Variants in STX16 observed in about 807,000 individuals in gnomAD.
The protein encoded by STX16 is syntaxin-16.
In STX16, 28 loss-of-function variants were observed where a neutral mutation model predicts 42.7. The observed-to-expected ratio is 0.66, with a 90% CI of 0.49 to 0.90. The LOEUF is 0.90. Among genes scored for constraint, STX16 ranks in the 40% least tolerant of loss-of-function variants. The pLI is 0.00. For missense variants in STX16, 361 were observed against 420.9 expected (o/e 0.86, Z 1.24); for synonymous variants, 156 against 155.2 (o/e 1.00, Z -0.04).
Position 58,671,440 on chromosome 20 carries a change from GT to G in STX16, c.792+144del, listed in dbSNP as rs2083971074. 2.4e-4 allele frequency: 86 copies of G among 357,978 alleles called. No individual in the cohort carries two copies. The South Asian group carries it at 2.6e-3, about 11-fold the overall frequency. The allele number at this position is 357,978 out of a possible 1,614,324, so 22.2% of individuals were successfully genotyped here. ...ACCTGTCCTTTATGTGTGTGTGGGT[GT>G]GTGTGTGTGTGTGTGTGTGTGTGTG... On this transcript the variant is annotated intron_variant, in intron 7 of 8. Transcript: ENST00000371141.
chr20:58,652,889 C>A (rs7274026), intron 1 of STX16, among the ~76,000 whole-genome samples: 79 of 151,930 alleles, frequency 5.2e-4, no homozygotes, highest in African/African-American at 1.8e-3. Context: ...TAACCACAAC[C>A]TTTAGTTAGC....
At chr20:58,667,431 G>T in intron 2 of STX16, 59 bp from the exon 3 acceptor site, 1 of 1,318,236 alleles carries the variant, frequency 7.6e-7, no homozygotes, top group Non-Finnish European at 1.1e-6. Flanking sequence ...GAGAGTAAGA[G>T]TATTTGTATC....
intron 6 of STX16, 75 bp downstream of exon 6, chr20:58,670,678 ATCT>A: frequency 1.6e-6 from 2 of 1,233,182 alleles, no homozygotes; most frequent in Non-Finnish European, 2.4e-6. Context: ...CTAGACCTCG[ATCT>A]TCTGTGCAGT....
chr20:58,667,125 G>A (rs940028778), intron 2 of STX16: 21 of 327,040 alleles, frequency 6.4e-5, no homozygotes, highest in South Asian at 5.0e-4. Flanking sequence ...GGTTCATGCC[G>A]TTCTATCACA....
chr20:58,673,709 A>G lies in STX16; in HGVS notation c.871A>G (p.Lys291Glu), dbSNP rs2084037590. ...KTEDGLKQLHKAEQYQKKNRK... is the reference protein window; with the variant it reads ...KTEDGLKQLHEAEQYQKKNRK... ...TGAAGATGGTTTGAAACAGCTTCAC[A>G]AGGTAATATGTCTTTCAAGACTTGG... is the stretch of plus-strand genomic sequence containing the variant. The change falls in exon 8 of 9, where the codon AAG becomes GAG. Residue 291 changes from lysine to glutamate, a missense_variant and splice_region_variant. Coordinates refer to ENST00000371141, the MANE Select transcript of STX16 (RefSeq NM_001001433.3). 6.2e-7 allele frequency: 1 copy of G among 1,606,040 alleles called. No homozygotes were observed. Among genetic ancestry groups the G allele is most frequent in the East Asian group, 2.2e-5 (1 of 44,836 alleles).
intron 7 of STX16, among the ~76,000 whole-genome samples, chr20:58,672,296 C>T (rs1257480055): frequency 6.6e-6 from 1 of 152,102 alleles, no homozygotes; most frequent in Non-Finnish European, 1.5e-5. Context: ...TGCACCATTG[C>T]ACTCCAGCCT....
chr20:58,653,263 T>C (rs1383041906), intron 1 of STX16, among the ~76,000 whole-genome samples: 1 of 152,244 alleles, frequency 6.6e-6, no homozygotes, highest in African/African-American at 2.4e-5. Flanking sequence ...AGTTTATTTT[T>C]TTCTTTATGG....
In STX16 at chr20:58,669,145, A is replaced by G. The variant is rs1886843; in HGVS notation, c.394-146A>G. The G allele has an allele frequency of 0.69, 544,927 of 788,108 alleles. 191,319 individuals are homozygous for G. Among genetic ancestry groups the G allele is most frequent in the African/African-American group, 0.91 (51,126 of 56,488 alleles). The allele number at this position is 788,108 out of a possible 1,614,324, so 48.8% of individuals were successfully genotyped here. A position where few individuals can be genotyped will look rare whatever the true frequency, so the allele number is the denominator to read the frequency against. On this transcript the variant is annotated intron_variant, in intron 4 of 8. Transcript: ENST00000371141. ...TCTTTCTGTGTATATAAATGAAGCC[A>G]CAGATTCCTTTTATCTGTTCACCTT...
chr20:58,652,205 CTCTG>C lies in STX16; in HGVS notation c.132+75_132+78del, dbSNP rs1044950435. The C allele has an allele frequency of 6.2e-5, 98 of 1,589,648 alleles. 1 individual carries two copies. The highest frequency in any genetic ancestry group is 4.8e-4 in the South Asian group (43 of 90,372). ...ACTGCGGCTCTGCCTGTTTGTCTGT[CTCTG>C]TCTGTCTCTCTGTTTAAAAAGAGAA... is the stretch of plus-strand genomic sequence containing the variant. On this transcript the variant is annotated intron_variant, in intron 1 of 8. Coordinates refer to ENST00000371141, the MANE Select transcript of STX16 (RefSeq NM_001001433.3).
In STX16 at chr20:58,672,746, C is replaced by T. The variant is rs138369199; in HGVS notation, c.793-885C>T. ...TGACCGAGCTCAGCAATGATTCTGACGCTATAGAAGATTTCCCTTCTAATT... is the reference window on the plus strand; with the variant it reads ...TGACCGAGCTCAGCAATGATTCTGATGCTATAGAAGATTTCCCTTCTAATT... On this transcript the variant is annotated intron_variant, in intron 7 of 8. Coordinates refer to ENST00000371141, the MANE Select transcript of STX16 (RefSeq NM_001001433.3). 3.8e-3 allele frequency among the ~76,000 whole-genome samples: 581 copies of T among 152,302 alleles called. 4 individuals are homozygous for T. Among genetic ancestry groups the T allele is most frequent in the African/African-American group, 0.013 (556 of 41,552 alleles).
chr20:58,657,834 C>T lies in STX16; in HGVS notation c.133-1789C>T, dbSNP rs1299025022. Among the ~76,000 whole-genome samples the T allele has an allele frequency of 6.6e-6, 1 of 151,998 alleles. No individual in the cohort carries two copies. The highest frequency in any genetic ancestry group is 6.6e-5 in the Admixed American group (1 of 15,262). Reference sequence around the variant, plus strand: ...GAAAAGGTGACCTTAATTTAATATTCCTGATGTGGTGGTAGCTGCCTATCA... The same window carrying T: ...GAAAAGGTGACCTTAATTTAATATTTCTGATGTGGTGGTAGCTGCCTATCA... On this transcript the variant is annotated intron_variant, in intron 1 of 8. Transcript: ENST00000371141. The surrounding 1 kb of genome is among the most constrained non-coding windows in gnomAD (Gnocchi z 4.2).
At chr20:58,668,684 C>T (rs6100157) in intron 4 of STX16, among the ~76,000 whole-genome samples, 72,480 of 150,462 alleles carry the variant, frequency 0.48, 17,948 homozygotes, top group Non-Finnish European at 0.53. Flanking sequence ...AACAGTTACA[C>T]GATTCTCATT....
At chr20:58,659,561 T>C in intron 1 of STX16, 62 bp from the exon 2 acceptor site, 1 of 1,582,274 alleles carries the variant, frequency 6.3e-7, no homozygotes, top group Non-Finnish European at 8.6e-7. Flanking sequence ...GTCTGTCCCA[T>C]GCTGCTTTCT....
rs566156781 is a variant in STX16 at position 58,677,086 on chromosome 20, A to C, written c.*795A>C. The C allele has an allele frequency of 1.3e-5, 2 of 152,802 alleles. No homozygotes were observed. The highest frequency in any genetic ancestry group is 3.9e-4 in the East Asian group (2 of 5,182). 9.5% of individuals were successfully genotyped at this position (152,802 alleles called of 1,614,324 possible). ...AGTTGGTGATTTAAATGAATCTCAC[A>C]TTAAAAGAAAGCTTGACAGTGTTAT... On this transcript the variant is annotated 3_prime_UTR_variant, in exon 9 of 9. Coordinates refer to ENST00000371141, the MANE Select transcript of STX16 (RefSeq NM_001001433.3).
At position 58,676,221 on chromosome 20, in the gene STX16, T is replaced by C. The variant is rs755046390; in HGVS notation, c.908T>C (p.Leu303Pro). 1.2e-6 allele frequency: 2 copies of C among 1,614,214 alleles called. No individual in the cohort carries two copies. Among genetic ancestry groups the C allele is most frequent in the South Asian group, 2.2e-5 (2 of 91,078 alleles). ...EQYQKKNRKM[L>P]VILILFVIII... Reference sequence around the variant, plus strand: ...TATCAAAAGAAGAATCGGAAGATGCTTGTGATTTTAATATTATTTGTCATC... The same window carrying C: ...TATCAAAAGAAGAATCGGAAGATGCCTGTGATTTTAATATTATTTGTCATC... The change falls in exon 9 of 9, where the codon CTT becomes CCT. Residue 303 changes from leucine (L) to proline (P), a missense_variant. By Grantham distance (98) the Leu-to-Pro change is moderately conservative. Transcript: ENST00000371141.
intron 7 of STX16, 140 bp downstream of exon 7, chr20:58,671,437 GGTGTGTGTGTGTGT>G (rs540390363): frequency 2.2e-5 from 5 of 223,998 alleles, no homozygotes; most frequent in Admixed American, 6.3e-5. Context: ...TGTGTGTGTG[GGTGTGTGTGTGTGT>G]GTGTGTGTGT....
In STX16 at chr20:58,651,616, C is replaced by CG. The variant is rs554739090; in HGVS notation, c.-385dup. On this transcript the variant is annotated 5_prime_UTR_variant, in exon 1 of 9. Coordinates refer to ENST00000371141, the MANE Select transcript of STX16 (RefSeq NM_001001433.3). ...GTTAGGGGTAGAGAGCAGAGACCTC[C>CG]GGGGGGTCTCAGGGAGTAGGGGGCT... The CG allele has an allele frequency of 3.6e-4, 71 of 198,074 alleles. No individual in the cohort carries two copies. Among genetic ancestry groups the CG allele is most frequent in the African/African-American group, 1.3e-3 (55 of 42,624 alleles). 12.3% of individuals were successfully genotyped at this position (198,074 alleles called of 1,614,324 possible).
intron 5 of STX16, 145 bp from the exon 6 acceptor site, chr20:58,670,367 C>G (rs570151301): frequency 6.5e-6 from 4 of 615,134 alleles, no homozygotes; most frequent in Admixed American, 2.6e-5. Context: ...CCCTCCACCC[C>G]CATTGGAGAT....
chr20:58,663,381 A>T (rs548607082), intron 2 of STX16, among the ~76,000 whole-genome samples: 3 of 152,248 alleles, frequency 2.0e-5, no homozygotes, highest in Non-Finnish European at 4.4e-5. Flanking sequence ...ACTTGTCCAT[A>T]CTGGCTGGTA....
Sources: gnomAD v4.1 joint callset for allele counts (sites outside exome capture counted in the v4.1 genomes callset) on GRCh38, gnomAD v4.1.1 for gene constraint, Gnocchi (gnomAD v3.1) non-coding constraint, MANE v1.5 for transcripts, NCBI Gene and HGNC (gene_info 2026-07-23, HGNC 2026-07-21) for gene names.